The following WDR36 variants were observed in gnomAD, a reference collection of about 807,000 sequenced individuals.
The protein encoded by WDR36 is WD repeat domain 36, also known as WD repeat-containing protein 36.
A neutral mutation model predicts 112.7 loss-of-function variants in WDR36; 63 were observed. That is an observed-to-expected ratio of 0.56 (90% CI 0.46 to 0.69). The LOEUF is 0.69. Among genes scored for constraint, WDR36 ranks in the 30% least tolerant of loss-of-function variants. The pLI, the probability that WDR36 is intolerant of heterozygous loss-of-function variation, is 0.00. For synonymous variants in WDR36, 410 were observed against 362.2 expected, an observed-to-expected ratio of 1.13 and a Z score of -1.50; for missense variants, 1,226 against 1,070.3, an observed-to-expected ratio of 1.15 and a Z score of -2.03.
chr5:111,100,590 A>C lies in WDR36; in HGVS notation c.411A>C (p.Glu137Asp), dbSNP rs1485029434. ...ILIIWHIYSE[E>D]EYLQLTFDKS... ...TATTTATAACTTTCACTTTTGTAGA[A>C]GAATACCTGCAGTTGACTTTTGATA... The change falls in exon 5 of 23, where the codon GAA becomes GAC. Residue 137 changes from glutamate (E) to aspartate (D), a missense_variant and splice_region_variant. By Grantham distance (45) the Glu-to-Asp change is conservative. Coordinates refer to ENST00000513710, the MANE Select transcript of WDR36 (RefSeq NM_139281.3). 1.3e-6 allele frequency: 2 copies of C among 1,551,498 alleles called. No homozygotes were observed. Among genetic ancestry groups the C allele is most frequent in the African/African-American group, 2.7e-5 (2 of 73,018 alleles).
At chr5:111,119,874 A>T (rs1753529474) in intron 17 of WDR36, among the ~76,000 whole-genome samples, 1 of 152,168 alleles carries the variant, frequency 6.6e-6, no homozygotes, top group Admixed American at 6.6e-5. Context: ...AGCTATGAGC[A>T]CTCACAGCAG....
chr5:111,105,997 A>G, intron 10 of WDR36, 60 bp from the exon 11 acceptor site: 2 of 1,316,320 alleles, frequency 1.5e-6, no homozygotes, highest in Admixed American at 1.7e-5. Flanking sequence ...TTTCTTTTAT[A>G]TACACTTTTT....
rs1439302660 is a variant in WDR36, at chr5:111,124,452, AT to A, written c.2350+265del. ...TTTGCTATTGGAGATGGACACAGTT[AT>A]TGACTATATTTATAATAAGGAGATC... is the stretch of plus-strand genomic sequence containing the variant. On this transcript the variant is annotated intron_variant, in intron 21 of 22. Transcript: ENST00000513710. Among the ~76,000 whole-genome samples, 4 of 152,262 alleles carry A rather than the reference AT, an allele frequency of 2.6e-5. No homozygotes were observed. In the East Asian group the frequency reaches 7.7e-4, roughly 29 times the overall value.
At chr5:111,121,688 C>T (rs1753569416) in intron 19 of WDR36, among the ~76,000 whole-genome samples, 1 of 151,946 alleles carries the variant, frequency 6.6e-6, no homozygotes, top group African/African-American at 2.4e-5. Flanking sequence ...AAAAAACAGC[C>T]CCTTTGTCCT....
chr5:111,110,405 G>A (rs998529275), intron 13 of WDR36, 102 bp downstream of exon 13: 81 of 949,782 alleles, frequency 8.5e-5, no homozygotes, highest in Admixed American at 3.7e-5. Flanking sequence ...TTTTGCTAAA[G>A]TTGAAGATGG....
At chr5:111,104,929 CT>C in intron 9 of WDR36, 112 bp downstream of exon 9, 1 of 1,527,846 alleles carries the variant, frequency 6.5e-7, no homozygotes, top group Non-Finnish European at 9.0e-7. Context: ...CTTTGAGTGA[CT>C]TAGAAGTCTG....
intron 16 of WDR36, among the ~76,000 whole-genome samples, chr5:111,117,417 G>C (rs1000794004): frequency 6.6e-6 from 1 of 152,176 alleles, no homozygotes; most frequent in African/African-American, 2.4e-5. Context: ...CATTTGAGCT[G>C]CTCACAGTGT....
Position 111,107,424 on chromosome 5 carries a change from T to A in WDR36, c.1311T>A (p.Asp437Glu), listed in dbSNP as rs1410611679. 3.7e-6 allele frequency: 6 copies of A among 1,609,948 alleles called. No homozygotes were observed. The highest frequency in any genetic ancestry group is 5.1e-6 in the Non-Finnish European group (6 of 1,177,302). The change falls in exon 12 of 23, where the codon GAT becomes GAA. Residue 437 changes from aspartate to glutamate, a missense_variant. Asp to Glu is a conservative substitution (Grantham distance 45, BLOSUM62 2). Transcript: ENST00000513710. ...TCAAGCCAAAAGAGTTGAAGAAAGA[T>A]GACATAACTGCAACAGTAAGTGAGC... The part of the protein sequence containing the change: ...YFLKPKELKK[D>E]DITATAVDIT...
chr5:111,095,941 A>G (rs1210283264), intron 2 of WDR36, among the ~76,000 whole-genome samples: 3 of 152,210 alleles, frequency 2.0e-5, no homozygotes, highest in African/African-American at 7.2e-5. Flanking sequence ...TGTGAGAGAA[A>G]CAGAAGACCT....
Position 111,097,136 on chromosome 5 carries a change from C to T in WDR36, c.248C>T (p.Ala83Val). The T allele has an allele frequency of 6.2e-7, 1 of 1,613,652 alleles. No individual in the cohort carries two copies. The highest frequency in any genetic ancestry group is 8.5e-7 in the Non-Finnish European group (1 of 1,179,798). ...CMAADGRLVF[A>V]AYGNVFSAFA... ...GCAGCTGATGGCAGATTAGTCTTTG[C>T]TGCTTATGGAAATGTTTTCTCTGCA... The change falls in exon 3 of 23, where the codon GCT (alanine) becomes GTT (valine). Residue 83 changes from alanine to valine, a missense_variant. By Grantham distance (64) the Ala-to-Val change is moderately conservative (BLOSUM62 0). Transcript: ENST00000513710.
At position 111,115,509 on chromosome 5, in the gene WDR36, T is replaced by C. The variant is rs73786763; in HGVS notation, c.1796+2356T>C. Among the ~76,000 whole-genome samples the C allele has an allele frequency of 4.8e-3, 735 of 152,258 alleles. 4 individuals carry two copies. The highest frequency in any genetic ancestry group is 0.014 in the African/African-American group (576 of 41,546). Reference sequence around the variant, plus strand: ...GCAAAATCAGCACAGGAGAAAGAAATAGCTTTCTTAACACTTATGTTATCA... The same window carrying C: ...GCAAAATCAGCACAGGAGAAAGAAACAGCTTTCTTAACACTTATGTTATCA... On this transcript the variant is annotated intron_variant, in intron 16 of 22. Transcript: ENST00000513710.
intron 8 of WDR36, 96 bp downstream of exon 8, chr5:111,104,448 A>G: frequency 6.6e-7 from 1 of 1,525,692 alleles, no homozygotes. Context: ...AACCTAGAAG[A>G]TGAAAGGAAT....
rs147934268 is a variant in WDR36 at position 111,105,463 on chromosome 5, G to T, written c.1093+103G>T. 1.4e-4 allele frequency: 151 copies of T among 1,062,356 alleles called. 1 individual carries two copies. The highest frequency in any genetic ancestry group is 5.7e-5 in the Admixed American group (3 of 52,570). 65.8% of individuals were successfully genotyped at this position (1,062,356 alleles called of 1,614,324 possible). A position where few individuals can be genotyped will look rare whatever the true frequency, so the allele number is the denominator to read the frequency against. On this transcript the variant is annotated intron_variant, in intron 10 of 22. Coordinates refer to ENST00000513710, the MANE Select transcript of WDR36 (RefSeq NM_139281.3). Reference sequence around the variant, plus strand: ...TCATCAATGCATTTTATTTTTTCTTGGATGAACTAGATAAACATGTATGGA... The same window carrying T: ...TCATCAATGCATTTTATTTTTTCTTTGATGAACTAGATAAACATGTATGGA...
chr5:111,111,007 A>G lies in WDR36; in HGVS notation c.1607+54A>G, dbSNP rs1753326207. On this transcript the variant is annotated intron_variant, in intron 14 of 22. Transcript: ENST00000513710. ...CTTTGATTCTTTTGGTAAAAGTCATAAAGTCACAATTTACCAAGTGGGAAA... is the reference window on the plus strand; with the variant it reads ...CTTTGATTCTTTTGGTAAAAGTCATGAAGTCACAATTTACCAAGTGGGAAA... 6.2e-6 allele frequency: 10 copies of G among 1,600,402 alleles called. No homozygotes were observed. The Admixed American group carries it at 1.2e-4, about 19-fold the overall frequency.
intron 1 of WDR36, among the ~76,000 whole-genome samples, chr5:111,092,955 TGA>T (rs1752898707): frequency 6.6e-6 from 1 of 152,226 alleles, no homozygotes; most frequent in Admixed American, 6.5e-5. Context: ...GCATTCTTAA[TGA>T]GAGAGAAAAA....
chr5:111,097,304 A>G (rs1753014017), intron 3 of WDR36, 125 bp downstream of exon 3: 1 of 720,274 alleles, frequency 1.4e-6, no homozygotes, highest in South Asian at 1.5e-5. Flanking sequence ...TTTTTTTCTA[A>G]TGTATATTCA....
intron 5 of WDR36, among the ~76,000 whole-genome samples, chr5:111,100,962 A>G (rs1753110385): frequency 6.6e-6 from 1 of 152,030 alleles, no homozygotes; most frequent in Non-Finnish European, 1.5e-5. Context: ...GTACAGTATA[A>G]CAGCTATTTA....
chr5:111,094,823 C>G (rs1217174347), intron 1 of WDR36, 97 bp from the exon 2 acceptor site: 2 of 993,008 alleles, frequency 2.0e-6, no homozygotes, highest in African/African-American at 3.3e-5. Context: ...GACAGCATAG[C>G]AAATATACGT....
intron 19 of WDR36, 93 bp from the exon 20 acceptor site, chr5:111,123,712 T>C: frequency 6.7e-7 from 1 of 1,498,546 alleles, no homozygotes; most frequent in Non-Finnish European, 9.1e-7. Flanking sequence ...TCTTTTACTT[T>C]TTGGTATTTG....
Sources: allele counts gnomAD v4.1 joint callset (sites outside exome capture counted in the v4.1 genomes callset), GRCh38; gene constraint gnomAD v4.1.1; transcripts MANE v1.5; gene names NCBI Gene and HGNC (gene_info 2026-07-23, HGNC 2026-07-21).